PTPRM: variants seen among roughly 807,000 people sequenced by gnomAD.
The protein encoded by PTPRM is protein tyrosine phosphatase receptor type M.
In PTPRM, 47 loss-of-function variants were observed where a neutral mutation model predicts 186.7. The ratio of observed to expected loss-of-function variants is 0.25; its 90% CI spans 0.20 to 0.32. The LOEUF is 0.32. PTPRM is among the 10% of genes least tolerant of loss of function. PTPRM has a pLI of 1.00. For missense variants in PTPRM, 1,494 were observed against 1,865.0 expected, an observed-to-expected ratio of 0.80 and a Z score of 3.66; for synonymous variants, 668 against 674.9, an observed-to-expected ratio of 0.99 and a Z score of 0.16.
At chr18:8,052,340 C>T (rs1486332843) in intron 7 of PTPRM, among the ~76,000 whole-genome samples, 1 of 152,082 alleles carries the variant, frequency 6.6e-6, no homozygotes, top group African/African-American at 2.4e-5. Context: ...TTTGGTCAAC[C>T]GCAGACCACA....
At chr18:8,152,504 T>G (rs985845005) in intron 14 of PTPRM, among the ~76,000 whole-genome samples, 1 of 152,082 alleles carries the variant, frequency 6.6e-6, no homozygotes, top group African/African-American at 2.4e-5. Context: ...ATTACAACTG[T>G]TTTTCCCCAC....
chr18:8,353,271 G>A (rs1359095547), intron 23 of PTPRM, among the ~76,000 whole-genome samples: 1 of 152,204 alleles, frequency 6.6e-6, no homozygotes, highest in Non-Finnish European at 1.5e-5. Context: ...TTCTAGGAAG[G>A]AAGGAGAGGT....
At chr18:8,003,385 T>G (rs1314398565) in intron 7 of PTPRM, among the ~76,000 whole-genome samples, 1 of 152,196 alleles carries the variant, frequency 6.6e-6, no homozygotes, top group Non-Finnish European at 1.5e-5. Context: ...TTTTATAAAT[T>G]ACCCAGTCTT....
At chr18:7,804,564 G>A (rs556002765) in intron 2 of PTPRM, among the ~76,000 whole-genome samples, 1 of 152,214 alleles carries the variant, frequency 6.6e-6, no homozygotes, top group East Asian at 1.9e-4. Flanking sequence ...TCATATTATT[G>A]CTGTTCTCTG....
chr18:8,288,448 A>G (rs1409226836), intron 19 of PTPRM, among the ~76,000 whole-genome samples: 2 of 152,152 alleles, frequency 1.3e-5, no homozygotes, highest in African/African-American at 2.4e-5. Flanking sequence ...CGGCCAAGAA[A>G]GGGTTGAATA....
At chr18:8,011,872 G>A (rs576051771) in intron 7 of PTPRM, among the ~76,000 whole-genome samples, 3 of 152,144 alleles carry the variant, frequency 2.0e-5, no homozygotes, top group South Asian at 2.1e-4. Context: ...GGAAAAATAC[G>A]AATTTATTAG....
rs1379731556 is a variant in PTPRM at position 7,848,965 on chromosome 18, A to AG, written c.197-39141_197-39140insG. 5.3e-5 allele frequency among the ~76,000 whole-genome samples: 8 copies of AG among 152,168 alleles called. No homozygotes were observed. In the East Asian group the frequency reaches 1.5e-3, roughly 29 times the overall value. On this transcript the variant is annotated intron_variant, in intron 2 of 32. Transcript: ENST00000580170. Reference sequence around the variant, plus strand: ...AAATGTGGTAAATTTTCATATAAACAAAATACTAGATATCTCTGAGCTTTG... The same window carrying AG: ...AAATGTGGTAAATTTTCATATAAACAGAAATACTAGATATCTCTGAGCTTTG...
chr18:8,307,762 C>T (rs2095236929), intron 20 of PTPRM, among the ~76,000 whole-genome samples: 1 of 151,878 alleles, frequency 6.6e-6, no homozygotes. Flanking sequence ...CAAGATCGCG[C>T]CATTGCACTC....
chr18:8,342,855 C>T (rs2095482868), intron 22 of PTPRM, among the ~76,000 whole-genome samples: 1 of 151,968 alleles, frequency 6.6e-6, no homozygotes, highest in Non-Finnish European at 1.5e-5. Context: ...TATGTTCTGC[C>T]AGGAATCTTT....
intron 2 of PTPRM, among the ~76,000 whole-genome samples, chr18:7,793,000 G>A (rs2043421271): frequency 6.6e-6 from 1 of 152,006 alleles, no homozygotes; most frequent in African/African-American, 2.4e-5. Context: ...TACATAGATG[G>A]CCCTTGAGAT....
At chr18:7,610,721 T>C (rs954235170) in intron 1 of PTPRM, among the ~76,000 whole-genome samples, 1 of 152,240 alleles carries the variant, frequency 6.6e-6, no homozygotes, top group African/African-American at 2.4e-5. Context: ...CCTACTGTGT[T>C]GTCAGTCATA....
chr18:7,903,678 AT>A (rs1332646881), intron 3 of PTPRM, among the ~76,000 whole-genome samples: 1 of 152,126 alleles, frequency 6.6e-6, no homozygotes, highest in African/African-American at 2.4e-5. Flanking sequence ...ATGAAGTTTT[AT>A]TTCATTTCTG....
At chr18:8,390,831 G>T (rs2095806594) in intron 31 of PTPRM, among the ~76,000 whole-genome samples, 1 of 152,022 alleles carries the variant, frequency 6.6e-6, no homozygotes, top group Non-Finnish European at 1.5e-5. Context: ...GGGAGGCTGA[G>T]GCAGGAAAAT....
At chr18:7,748,643 G>A (rs188582602) in intron 1 of PTPRM, among the ~76,000 whole-genome samples, 5 of 152,320 alleles carry the variant, frequency 3.3e-5, no homozygotes, top group African/African-American at 1.2e-4. Flanking sequence ...TGACATTTGA[G>A]TTTTCCTGCC....
Position 8,376,518 on chromosome 18 carries a change from C to T in PTPRM, c.3383C>T (p.Ala1128Val). ...FIVIDIMLDM[A>V]EREGVVDIYN... ...GTCATTGATATCATGTTGGACATGG[C>T]CGAAAGGGAAGGGGTCGTAGACATC... Residue 1128 changes from alanine to valine, a missense_variant, in exon 26 of 33, where the codon GCC becomes GTC. This residue lies in a region of PTPRM where 1,107 missense variants were observed against 1,350.2 expected (regional missense o/e 0.82). Coordinates refer to ENST00000580170, the MANE Select transcript of PTPRM (RefSeq NM_001105244.2). The T allele has an allele frequency of 6.2e-7, 1 of 1,613,960 alleles. No individual in the cohort carries two copies. The highest frequency in any genetic ancestry group is 8.5e-7 in the Non-Finnish European group (1 of 1,179,966).
intron 14 of PTPRM, among the ~76,000 whole-genome samples, chr18:8,211,848 G>C (rs1171511073): frequency 6.6e-6 from 1 of 152,172 alleles, no homozygotes; most frequent in Non-Finnish European, 1.5e-5. Flanking sequence ...AATGGACTGG[G>C]AAGGGCAGCA....
chr18:7,892,637 T>C (rs1301417950), intron 3 of PTPRM, among the ~76,000 whole-genome samples: 1 of 152,228 alleles, frequency 6.6e-6, no homozygotes, highest in African/African-American at 2.4e-5. Context: ...TTTGAATGTA[T>C]TGCTTCATTG....
chr18:7,886,831 G>A (rs898122120), intron 2 of PTPRM, among the ~76,000 whole-genome samples: 1 of 152,080 alleles, frequency 6.6e-6, no homozygotes, highest in Non-Finnish European at 1.5e-5. Context: ...CCTCTTAATC[G>A]GTGAAGGATA....
intron 2 of PTPRM, among the ~76,000 whole-genome samples, chr18:7,858,403 A>G (rs1599101499): frequency 2.0e-5 from 3 of 152,074 alleles, no homozygotes; most frequent in East Asian, 3.9e-4. Context: ...ATTAAAAAAA[A>G]AATTAAATAA....
Sources: allele counts gnomAD v4.1 joint callset (sites outside exome capture counted in the v4.1 genomes callset), GRCh38; gene constraint gnomAD v4.1.1; regional missense constraint gnomAD v4.1.1; transcripts MANE v1.5; gene names NCBI Gene and HGNC (gene_info 2026-07-23, HGNC 2026-07-21).